The following TNPO3 variants were observed in gnomAD, a reference collection of about 807,000 sequenced individuals.
TNPO3 encodes the protein transportin 3.
In TNPO3, 65 loss-of-function variants were observed where a neutral mutation model predicts 122.8. That is an observed-to-expected ratio of 0.53 (90% CI 0.43 to 0.65). TNPO3 has a LOEUF of 0.65. Ranked by LOEUF, TNPO3 falls within the 30% of genes least tolerant of loss-of-function variation. The pLI is 0.00. For missense variants in TNPO3, 850 were observed against 1,136.7 expected (o/e 0.75, Z 3.63); for synonymous variants, 372 against 411.2 (o/e 0.90, Z 1.15).
At chr7:129,022,367 A>C (rs1161906847) in intron 1 of TNPO3, among the ~76,000 whole-genome samples, 2 of 152,068 alleles carry the variant, frequency 1.3e-5, no homozygotes, top group African/African-American at 4.8e-5. Context: ...AATTAAAAAA[A>C]TTTGGTATCA....
At chr7:129,022,320 G>A (rs892279133) in intron 1 of TNPO3, among the ~76,000 whole-genome samples, 3 of 151,936 alleles carry the variant, frequency 2.0e-5, no homozygotes, top group African/African-American at 7.3e-5. Context: ...GGAGTTTTGA[G>A]GTTATAGTGC....
chr7:128,966,161 C>T (rs1218942787), intron 21 of TNPO3, among the ~76,000 whole-genome samples: 3 of 152,006 alleles, frequency 2.0e-5, no homozygotes, highest in Non-Finnish European at 2.9e-5. Context: ...TTATTTTAAC[C>T]TTTACAATTT....
intron 12 of TNPO3, 70 bp from the exon 13 acceptor site, chr7:128,984,329 T>C (rs1799930758): frequency 1.9e-6 from 2 of 1,052,064 alleles, no homozygotes; most frequent in South Asian, 1.5e-5. Context: ...GACTACATCA[T>C]GTGAGTGACC....
Position 128,974,731 on chromosome 7 carries a change from A to T in TNPO3, c.2273+137T>A, listed in dbSNP as rs1356967800. ...CTGGGGATATATCAGCTTGCAATTT[A>T]CCTTTGGGTTATGAATCATTAATCT... On this transcript the variant is annotated intron_variant, in intron 18 of 22. Transcript: ENST00000265388. 4 of 730,716 alleles carry T rather than the reference A, an allele frequency of 5.5e-6. No homozygotes were observed. In the African/African-American group the frequency reaches 7.0e-5, roughly 13 times the overall value. The allele number at this position is 730,716 out of a possible 1,614,324, so 45.3% of individuals were successfully genotyped here.
intron 1 of TNPO3, among the ~76,000 whole-genome samples, chr7:129,050,946 T>G (rs1429411404): frequency 6.6e-6 from 1 of 152,124 alleles, no homozygotes; most frequent in East Asian, 1.9e-4. Flanking sequence ...CCTAGGACAG[T>G]GTTTATGGAA....
At chr7:129,040,975 A>G (rs1023014808) in intron 1 of TNPO3, among the ~76,000 whole-genome samples, 1 of 152,230 alleles carries the variant, frequency 6.6e-6, no homozygotes, top group Non-Finnish European at 1.5e-5. Flanking sequence ...TGCTAAGTAC[A>G]TCGTCAACGA....
At chr7:129,020,696 C>A (rs1201855901) in intron 1 of TNPO3, among the ~76,000 whole-genome samples, 1 of 152,124 alleles carries the variant, frequency 6.6e-6, no homozygotes, top group Admixed American at 6.5e-5. Context: ...CTGCCTTGGC[C>A]TCCCAAAGTG....
Position 128,967,509 on chromosome 7 carries a change from T to C in TNPO3, c.2599-117A>G, listed in dbSNP as rs1001150012. On this transcript the variant is annotated intron_variant, in intron 20 of 22. Transcript: ENST00000265388. The stretch of plus-strand genomic sequence containing the variant: ...CTTAGTAGCATTTACTTCCCTACAC[T>C]TGGGAGCAAGTAAAGGAATCAACAA... 7.8e-6 allele frequency: 5 copies of C among 642,514 alleles called. No individual in the cohort carries two copies. In the African/African-American group the frequency reaches 9.2e-5, roughly 12 times the overall value. 39.8% of individuals were successfully genotyped at this position (642,514 alleles called of 1,614,324 possible).
chr7:129,014,766 A>C (rs1177496012), intron 4 of TNPO3, among the ~76,000 whole-genome samples: 4 of 152,234 alleles, frequency 2.6e-5, no homozygotes, highest in Non-Finnish European at 5.9e-5. Context: ...TTTCATTCAT[A>C]AAAGAGATAA....
At chr7:129,001,782 G>A (rs1801978029) in intron 5 of TNPO3, among the ~76,000 whole-genome samples, 1 of 152,190 alleles carries the variant, frequency 6.6e-6, no homozygotes, top group Admixed American at 6.5e-5. Flanking sequence ...CAGCCTTTCT[G>A]TCCCGAAGTC....
intron 1 of TNPO3, among the ~76,000 whole-genome samples, chr7:129,031,768 A>T (rs999462012): frequency 1.3e-5 from 2 of 152,238 alleles, no homozygotes; most frequent in Non-Finnish European, 2.9e-5. Context: ...AATATCCCTT[A>T]TGAATAGTAA....
At chr7:128,976,028 T>G in intron 16 of TNPO3, 93 bp from the exon 17 acceptor site, 1 of 866,208 alleles carries the variant, frequency 1.2e-6, no homozygotes, top group Non-Finnish European at 2.0e-6. Flanking sequence ...AGAGATAGAT[T>G]GGCTTCTTCT....
intron 4 of TNPO3, among the ~76,000 whole-genome samples, chr7:129,006,586 G>T (rs1298505997): frequency 2.0e-5 from 3 of 152,154 alleles, no homozygotes; most frequent in Admixed American, 2.0e-4. Flanking sequence ...GCTCTTGCAA[G>T]CAATGAGTTA....
intron 11 of TNPO3, among the ~76,000 whole-genome samples, chr7:128,989,271 T>A (rs979917740): frequency 6.6e-6 from 1 of 152,200 alleles, no homozygotes; most frequent in Non-Finnish European, 1.5e-5. Context: ...CACATCAAAC[T>A]TAATGATATA....
chr7:129,031,802 C>G (rs1805980026), intron 1 of TNPO3, among the ~76,000 whole-genome samples: 1 of 151,962 alleles, frequency 6.6e-6, no homozygotes, highest in African/African-American at 2.4e-5. Flanking sequence ...GATAAAATAC[C>G]AACAAATGGA....
chr7:129,049,804 G>A (rs1304473138), intron 1 of TNPO3, among the ~76,000 whole-genome samples: 2 of 152,166 alleles, frequency 1.3e-5, no homozygotes, highest in Admixed American at 6.6e-5. Context: ...GCCTGGGGGT[G>A]GGGAGGGAGG....
chr7:129,019,696 T>G (rs984358673), intron 1 of TNPO3, among the ~76,000 whole-genome samples: 5 of 151,762 alleles, frequency 3.3e-5, no homozygotes, highest in Non-Finnish European at 7.4e-5. Context: ...TACAAAAAAA[T>G]TTAAAAATTA....
intron 1 of TNPO3, among the ~76,000 whole-genome samples, chr7:129,042,055 C>T (rs1256838942): frequency 6.6e-6 from 1 of 152,178 alleles, no homozygotes; most frequent in African/African-American, 2.4e-5. Flanking sequence ...CAGACAGGCG[C>T]CTAAGGACTC....
upstream of TNPO3, chr7:129,055,196 C>T (rs534788427): frequency 3.1e-5 from 5 of 161,322 alleles, no homozygotes; most frequent in South Asian, 4.5e-4. Context: ...GGCACGCCTC[C>T]TCTTGTCTCC....
Sources: allele counts gnomAD v4.1 joint callset (sites outside exome capture counted in the v4.1 genomes callset), GRCh38; gene constraint gnomAD v4.1.1; transcripts MANE v1.5; gene names NCBI Gene and HGNC (gene_info 2026-07-23, HGNC 2026-07-21).